TSEN2: variants seen among roughly 807,000 people sequenced by gnomAD.
TSEN2 encodes the protein tRNA splicing endonuclease subunit 2, also known as tRNA-splicing endonuclease subunit Sen2.
In TSEN2, 54 loss-of-function variants were observed where a neutral mutation model predicts 59.2. That is an observed-to-expected ratio of 0.91 (90% CI 0.73 to 1.14). The LOEUF is 1.14. TSEN2 is among the 50% of genes most tolerant of loss of function. TSEN2 has a pLI of 0.00. For synonymous variants in TSEN2, 195 were observed against 198.2 expected (o/e 0.98, Z 0.14); for missense variants, 636 against 576.2 (o/e 1.10, Z -1.06).
Position 12,503,513 on chromosome 3 carries a change from G to C in TSEN2, c.560G>C (p.Arg187Pro), listed in dbSNP as rs146117200. 1,043 of 1,614,056 alleles carry C rather than the reference G, an allele frequency of 6.5e-4. 7 individuals carry two copies. The Middle Eastern group carries it at 7.9e-3, about 12-fold the overall frequency. ...SGKSGGVGDP[R>P]EPLGCLQEGS... ...AAGTCAGGTGGTGTGGGTGATCCCC[G>C]TGAGCCATTAGGCTGCCTGCAGGAG... The change falls in exon 5 of 12, where the codon CGT becomes CCT. Residue 187 changes from arginine to proline, a missense_variant. Transcript: ENST00000284995.
At chr3:12,524,959 G>A (rs2056963687) in intron 8 of TSEN2, among the ~76,000 whole-genome samples, 1 of 151,922 alleles carries the variant, frequency 6.6e-6, no homozygotes, top group South Asian at 2.1e-4. Context: ...TGCCAGGCTG[G>A]TCTCGAACTC....
In TSEN2 at chr3:12,503,536, G is replaced by T; in HGVS notation, c.583G>T (p.Glu195Ter). The change falls in exon 5 of 12, where the codon GAG becomes TAG. Residue 195 changes from glutamate (E) to a stop codon, truncating the protein, a stop_gained. Transcript: ENST00000284995. LOFTEE classifies it high-confidence loss of function. ...CCGTGAGCCATTAGGCTGCCTGCAGGAGGGCTCTGGCTGCCACCCAACAAC... is the reference window on the plus strand; with the variant it reads ...CCGTGAGCCATTAGGCTGCCTGCAGTAGGGCTCTGGCTGCCACCCAACAAC... The part of the protein sequence containing the change: ...DPREPLGCLQ[E>*]GSGCHPTTES... 1 of 1,612,578 alleles carries T rather than the reference G, an allele frequency of 6.2e-7. No homozygotes were observed. Among genetic ancestry groups the T allele is most frequent in the African/African-American group, 1.3e-5 (1 of 75,036 alleles).
At position 12,492,169 on chromosome 3, in the gene TSEN2, C is replaced by T. The variant is rs1260512452; in HGVS notation, c.223C>T (p.Arg75Cys). 8 of 1,614,032 alleles carry T rather than the reference C, an allele frequency of 5.0e-6. No homozygotes were observed. The Admixed American group carries it at 6.7e-5, about 13-fold the overall frequency. ...TGGAAAAGGTATTCTTTCAAGAAGC[C>T]GTCCAAGCTTCACAATTTCAGATCC... ...YFGKGILSRS[R>C]PSFTISDPKL... Residue 75 changes from arginine (R) to cysteine (C), a missense_variant, in exon 3 of 12, where the codon CGT becomes TGT. Coordinates refer to ENST00000284995, the MANE Select transcript of TSEN2 (RefSeq NM_025265.4).
chr3:12,530,499 C>T (rs2057392401), intron 10 of TSEN2: 12 of 985,476 alleles, frequency 1.2e-5, no homozygotes, highest in Non-Finnish European at 1.4e-5. Flanking sequence ...TACACAAGGA[C>T]TATCAAGAAA....
At chr3:12,535,117 A>T (rs906434289), downstream of TSEN2, among the ~76,000 whole-genome samples, 4 of 152,152 alleles carry the variant, frequency 2.6e-5, no homozygotes, top group Non-Finnish European at 4.4e-5. Flanking sequence ...AATTCTATTT[A>T]CTTGAATGTG....
intron 1 of TSEN2, among the ~76,000 whole-genome samples, chr3:12,486,521 G>C (rs561458105): frequency 6.6e-6 from 1 of 152,298 alleles, no homozygotes; most frequent in South Asian, 2.1e-4. Context: ...CCTGGGGAAT[G>C]TCTTTACTTC....
chr3:12,534,373 A>G (rs2125271858), downstream of TSEN2, among the ~76,000 whole-genome samples: 1 of 152,322 alleles, frequency 6.6e-6, no homozygotes, highest in South Asian at 2.1e-4. Context: ...GAGTAGTGAA[A>G]TGAACCTTCT....
Position 12,529,253 on chromosome 3 carries a change from TC to T in TSEN2, c.1136+330del, listed in dbSNP as rs769613690. On this transcript the variant is annotated intron_variant, in intron 9 of 11. Transcript: ENST00000284995. The stretch of plus-strand genomic sequence containing the variant: ...AGGCCAAGGTGGGTGGATCATGAGG[TC>T]AGGAATTCAAGACCAACCTGGCCAA... Among the ~76,000 whole-genome samples, 16 of 152,210 alleles carry T rather than the reference TC, an allele frequency of 1.1e-4. 1 individual carries two copies. Among genetic ancestry groups the T allele is most frequent in the Admixed American group, 7.8e-4 (12 of 15,292 alleles).
At chr3:12,516,483 T>A in intron 6 of TSEN2, 128 bp from the exon 7 acceptor site, 1 of 696,764 alleles carries the variant, frequency 1.4e-6, no homozygotes. Flanking sequence ...TGTGTGTGTG[T>A]GTGTGACCTT....
At chr3:12,535,586 C>T (rs2057656616), downstream of TSEN2, among the ~76,000 whole-genome samples, 1 of 152,182 alleles carries the variant, frequency 6.6e-6, no homozygotes, top group Non-Finnish European at 1.5e-5. Flanking sequence ...GGCTGGAGTG[C>T]AGTGGTGAGA....
At chr3:12,496,273 A>G (rs1344418284) in intron 3 of TSEN2, among the ~76,000 whole-genome samples, 3 of 152,228 alleles carry the variant, frequency 2.0e-5, no homozygotes, top group Non-Finnish European at 4.4e-5. Flanking sequence ...CCCTGAGTTG[A>G]GAAGAATTCT....
upstream of TSEN2, among the ~76,000 whole-genome samples, chr3:12,480,871 G>C (rs1344616172): frequency 6.6e-6 from 1 of 152,016 alleles, no homozygotes; most frequent in Non-Finnish European, 1.5e-5. Context: ...CCTGTATCCA[G>C]CATGACAGAT....
rs556161590 is a variant in TSEN2, at chr3:12,525,876, C to G, written c.1100-3012C>G. ...CACCGCGCCCGGTGGTTTGTTCACA[C>G]CAGCATTACCACAAACATGCGAATA... On this transcript the variant is annotated intron_variant, in intron 8 of 11. Transcript: ENST00000284995. Among the ~76,000 whole-genome samples the G allele has an allele frequency of 3.3e-5, 5 of 152,006 alleles. No individual in the cohort carries two copies. The East Asian group carries it at 9.7e-4, about 30-fold the overall frequency.
chr3:12,516,479 TGTGTGTGTGA>T lies in TSEN2; in HGVS notation c.910-131_910-122del, dbSNP rs2125139527. The T allele has an allele frequency of 1.1e-5, 8 of 695,780 alleles. No individual in the cohort carries two copies. In the South Asian group the frequency reaches 1.2e-4, roughly 10 times the overall value. The allele number at this position is 695,780 out of a possible 1,614,324, so 43.1% of individuals were successfully genotyped here. On this transcript the variant is annotated intron_variant, in intron 6 of 11. Transcript: ENST00000284995. The stretch of plus-strand genomic sequence containing the variant: ...GTGTGTGTGTGTGTGTGTGTGTGTG[TGTGTGTGTGA>T]CCTTTTTGATGATGACTTAAGAGCA...
intron 2 of TSEN2, among the ~76,000 whole-genome samples, chr3:12,490,670 A>G (rs563537723): frequency 6.6e-6 from 1 of 152,232 alleles, no homozygotes; most frequent in Non-Finnish European, 1.5e-5. Flanking sequence ...TCATAAATTT[A>G]TAGAGTTGCA....
intron 6 of TSEN2, among the ~76,000 whole-genome samples, chr3:12,510,202 G>A (rs942734555): frequency 2.0e-5 from 3 of 152,154 alleles, no homozygotes; most frequent in South Asian, 2.1e-4. Context: ...GTCTGCCACC[G>A]AACCCTTGGG....
At position 12,532,788 on chromosome 3, in the gene TSEN2, T is replaced by G. The variant is rs190411713; in HGVS notation, c.*67T>G. 3 of 1,490,262 alleles carry G rather than the reference T, an allele frequency of 2.0e-6. No individual in the cohort carries two copies. In the African/African-American group the frequency reaches 4.1e-5, roughly 21 times the overall value. The allele number at this position is 1,490,262 out of a possible 1,614,324, so 92.3% of individuals were successfully genotyped here. A position where few individuals can be genotyped will look rare whatever the true frequency, so the allele number is the denominator to read the frequency against. Reference sequence around the variant, plus strand: ...TTGAGGGCTAGGTAAAAAGTTCTTTTTGTTGTAATCGTCCATTAATTCATA... The same window carrying G: ...TTGAGGGCTAGGTAAAAAGTTCTTTGTGTTGTAATCGTCCATTAATTCATA... On this transcript the variant is annotated 3_prime_UTR_variant, in exon 12 of 12. Transcript: ENST00000284995.
At chr3:12,520,667 G>C (rs1366444560) in intron 8 of TSEN2, among the ~76,000 whole-genome samples, 2 of 151,946 alleles carry the variant, frequency 1.3e-5, no homozygotes, top group East Asian at 3.9e-4. Flanking sequence ...GCAGGCACTT[G>C]TAATCCCAGC....
chr3:12,506,321 G>T (rs1298509509), intron 6 of TSEN2, among the ~76,000 whole-genome samples: 1 of 151,932 alleles, frequency 6.6e-6, no homozygotes, highest in Non-Finnish European at 1.5e-5. Flanking sequence ...TGGGCCTGGT[G>T]CCATGGCTCA....
Sources: allele counts gnomAD v4.1 joint callset (sites outside exome capture counted in the v4.1 genomes callset), GRCh38; gene constraint gnomAD v4.1.1; transcripts MANE v1.5; gene names NCBI Gene and HGNC (gene_info 2026-07-23, HGNC 2026-07-21).